The following CACNA1D variants were observed in gnomAD, a reference collection of about 807,000 sequenced individuals.
CACNA1D encodes the protein voltage-dependent L-type calcium channel subunit alpha-1D.
A neutral mutation model predicts 257.1 loss-of-function variants in CACNA1D; 55 were observed. The ratio of observed to expected loss-of-function variants is 0.21; its 90% CI spans 0.17 to 0.27. CACNA1D has a LOEUF of 0.27. Among genes scored for constraint, CACNA1D ranks in the 10% least tolerant of loss-of-function variants. The pLI is 1.00. For synonymous variants in CACNA1D, 980 were observed against 1,014.9 expected (o/e 0.97, Z 0.65); for missense variants, 1,876 against 2,784.0 (o/e 0.67, Z 7.34).
At chr3:53,763,910 G>A (rs980562582) in intron 30 of CACNA1D, among the ~76,000 whole-genome samples, 2 of 152,140 alleles carry the variant, frequency 1.3e-5, no homozygotes, top group African/African-American at 4.8e-5. Context: ...TAAAATGATC[G>A]GAATATTCGG....
chr3:53,554,734 T>C (rs1375470847), intron 3 of CACNA1D, among the ~76,000 whole-genome samples: 1 of 152,236 alleles, frequency 6.6e-6, no homozygotes, highest in Admixed American at 6.5e-5. Context: ...GCTTACATCT[T>C]ATCCATTTGT....
chr3:53,783,236 C>A (rs1253379495), intron 39 of CACNA1D: 1 of 152,328 alleles, frequency 6.6e-6, no homozygotes, highest in Non-Finnish European at 1.5e-5. Context: ...CATTGATGCC[C>A]ATCCTCGTGA....
At chr3:53,599,715 T>G (rs749948258) in intron 3 of CACNA1D, among the ~76,000 whole-genome samples, 2 of 152,210 alleles carry the variant, frequency 1.3e-5, no homozygotes, top group Non-Finnish European at 2.9e-5. Context: ...ATTCTCTATA[T>G]GGGAATTCTT....
chr3:53,755,855 T>C (rs1298816585), intron 29 of CACNA1D, among the ~76,000 whole-genome samples: 3 of 152,110 alleles, frequency 2.0e-5, no homozygotes, highest in Non-Finnish European at 1.5e-5. Flanking sequence ...CCCGAGCAAG[T>C]GGTCTTTCAC....
At chr3:53,695,441 C>T (rs545599888) in intron 8 of CACNA1D, among the ~76,000 whole-genome samples, 62 of 152,314 alleles carry the variant, frequency 4.1e-4, no homozygotes, top group African/African-American at 1.5e-3. Context: ...CTTCTCCATC[C>T]CTCCTCCTGC....
chr3:53,800,040 A>G lies in CACNA1D; in HGVS notation c.4924-209A>G. On this transcript the variant is annotated intron_variant, in intron 40 of 47. Transcript: ENST00000350061. The surrounding 1 kb of genome is among the most constrained non-coding windows in gnomAD (Gnocchi z 4.3). ...GGTTACGGGGTTGCAGGCCTCAGGC[A>G]TCCTACCTAGGACCTTCTTGACCCT... is the stretch of plus-strand genomic sequence containing the variant. The G allele has an allele frequency of 1.5e-6, 1 of 657,658 alleles. No homozygotes were observed. The highest frequency in any genetic ancestry group is 2.7e-6 in the Non-Finnish European group (1 of 365,338). The allele number at this position is 657,658 out of a possible 1,614,324, so 40.7% of individuals were successfully genotyped here.
At chr3:53,551,395 T>C (rs2092531332) in intron 3 of CACNA1D, among the ~76,000 whole-genome samples, 2 of 152,156 alleles carry the variant, frequency 1.3e-5, no homozygotes, top group Non-Finnish European at 2.9e-5. Flanking sequence ...ACCCAGATCA[T>C]GAGCCTGTTT....
At chr3:53,580,097 CCTT>C (rs1214098701) in intron 3 of CACNA1D, among the ~76,000 whole-genome samples, 1 of 152,190 alleles carries the variant, frequency 6.6e-6, no homozygotes, top group East Asian at 1.9e-4. Context: ...CCTAAAATGA[CCTT>C]CTCTGCTCCT....
intron 8 of CACNA1D, among the ~76,000 whole-genome samples, chr3:53,676,120 C>G (rs1447322233): frequency 2.0e-5 from 3 of 152,196 alleles, no homozygotes; most frequent in Non-Finnish European, 2.9e-5. Flanking sequence ...TTCATTATCT[C>G]ATGGGGTAGC....
At chr3:53,603,343 G>T (rs112124539) in intron 3 of CACNA1D, among the ~76,000 whole-genome samples, 8 of 152,278 alleles carry the variant, frequency 5.3e-5, no homozygotes, top group African/African-American at 1.9e-4. Context: ...GGTTTGAATC[G>T]CACCTCGGAT....
chr3:53,625,263 T>G (rs1191995702), intron 3 of CACNA1D, among the ~76,000 whole-genome samples: 1 of 152,210 alleles, frequency 6.6e-6, no homozygotes, highest in African/African-American at 2.4e-5. Context: ...GCACTGGTGC[T>G]GATGCTGGTG....
intron 30 of CACNA1D, among the ~76,000 whole-genome samples, chr3:53,765,021 C>T (rs2095324587): frequency 6.6e-6 from 1 of 152,140 alleles, no homozygotes; most frequent in Non-Finnish European, 1.5e-5. Context: ...CCTTGCTGGG[C>T]CTTGGAACAG....
chr3:53,748,043 C>G (rs369824462), intron 26 of CACNA1D, among the ~76,000 whole-genome samples: 1 of 152,176 alleles, frequency 6.6e-6, no homozygotes, highest in African/African-American at 2.4e-5. Context: ...TCTCCTCAAG[C>G]CCAAATCAAA....
intron 3 of CACNA1D, among the ~76,000 whole-genome samples, chr3:53,575,740 T>C (rs2093026475): frequency 6.6e-6 from 1 of 152,200 alleles, no homozygotes; most frequent in Non-Finnish European, 1.5e-5. Flanking sequence ...GATTTTCTAC[T>C]AGTCGTGTCC....
rs758434198 is a variant in CACNA1D at position 53,793,874 on chromosome 3, C to T, written c.4924-6375C>T. Among the ~76,000 whole-genome samples the T allele has an allele frequency of 9.2e-5, 14 of 152,318 alleles. No individual in the cohort carries two copies. Among genetic ancestry groups the T allele is most frequent in the Non-Finnish European group, 1.5e-4 (10 of 68,034 alleles). ...CTAGTGTAGTCAAAGTTGTGAGAGA[C>T]GACTCAAGTTCATTATTTAGAATCT... On this transcript the variant is annotated intron_variant, in intron 40 of 47. Transcript: ENST00000350061. The surrounding 1 kb of genome is among the most constrained non-coding windows in gnomAD (Gnocchi z 4.1).
At chr3:53,759,679 G>A (rs1366712665) in intron 29 of CACNA1D, among the ~76,000 whole-genome samples, 1 of 152,256 alleles carries the variant, frequency 6.6e-6, no homozygotes, top group South Asian at 2.1e-4. Context: ...GCCCCTCCAA[G>A]TGTGGTCTGT....
intron 8 of CACNA1D, 129 bp from the exon 9 acceptor site, chr3:53,702,509 TTGC>T: frequency 1.2e-6 from 1 of 825,332 alleles, no homozygotes; most frequent in Non-Finnish European, 2.0e-6. Flanking sequence ...TGTGGCTCCA[TTGC>T]TGTGCTCATG....
chr3:53,507,746 A>AC (rs759805153), intron 3 of CACNA1D, among the ~76,000 whole-genome samples: 1 of 152,152 alleles, frequency 6.6e-6, no homozygotes, highest in South Asian at 2.1e-4. Context: ...TTATAGTCAT[A>AC]CCTTATACAA....
chr3:53,801,546 C>CA, intron 42 of CACNA1D, 121 bp downstream of exon 42: 1 of 1,295,056 alleles, frequency 7.7e-7, no homozygotes, highest in Admixed American at 1.7e-5. Flanking sequence ...TCCCCGTAGG[C>CA]ATTTGTGTCA....
Sources: gnomAD v4.1 joint callset for allele counts (sites outside exome capture counted in the v4.1 genomes callset) on GRCh38, gnomAD v4.1.1 for gene constraint, Gnocchi (gnomAD v3.1) non-coding constraint, MANE v1.5 for transcripts, NCBI Gene and HGNC (gene_info 2026-07-23, HGNC 2026-07-21) for gene names.